Variants in NEK11 observed in about 807,000 individuals in gnomAD.
NEK11 encodes NIMA related kinase 11.
Under a neutral mutation model 80.7 loss-of-function variants are expected in NEK11, and 72 were observed. That is an observed-to-expected ratio of 0.89 (90% CI 0.74 to 1.08). The LOEUF (loss-of-function observed/expected upper bound fraction) is 1.08. Ranked by LOEUF, NEK11 falls within the 50% of genes least tolerant of loss-of-function variation. The pLI, the probability that NEK11 is intolerant of heterozygous loss-of-function variation, is 0.00. For missense variants in NEK11, 764 were observed against 763.6 expected, an observed-to-expected ratio of 1.00 and a Z score of -0.01; for synonymous variants, 251 against 260.7, an observed-to-expected ratio of 0.96 and a Z score of 0.36.
At chr3:131,237,807 A>T (rs1272517226) in intron 15 of NEK11, among the ~76,000 whole-genome samples, 1 of 152,174 alleles carries the variant, frequency 6.6e-6, no homozygotes, top group Non-Finnish European at 1.5e-5. Flanking sequence ...TCACATTCAT[A>T]TCCAATCCAT....
rs1488153841 is a variant in NEK11, at chr3:131,029,748, T to A, written c.40T>A (p.Ser14Thr). The change falls in exon 3 of 18, where the codon TCA becomes ACA. Residue 14 changes from serine (S) to threonine (T), a missense_variant. Physicochemically the swap from Ser to Thr is moderately conservative, Grantham distance 58. Coordinates refer to ENST00000383366, the MANE Select transcript of NEK11 (RefSeq NM_024800.5). ...FQEAAKCVSG[S>T]TAISTYPKTL... ...AGAGGCAGCTAAGTGTGTGAGTGGA[T>A]CAACAGCCATTTCCACTTATCCAAA... 3 of 1,614,174 alleles carry A rather than the reference T, an allele frequency of 1.9e-6. No individual in the cohort carries two copies. The highest frequency in any genetic ancestry group is 1.1e-5 in the South Asian group (1 of 91,086).
At chr3:131,215,744 T>C (rs2094814253) in intron 14 of NEK11, among the ~76,000 whole-genome samples, 1 of 152,204 alleles carries the variant, frequency 6.6e-6, no homozygotes, top group Non-Finnish European at 1.5e-5. Context: ...GCCAGGAGAT[T>C]CTGCCTTCTC....
At chr3:131,256,215 T>G (rs1185384962) in intron 16 of NEK11, among the ~76,000 whole-genome samples, 1 of 152,166 alleles carries the variant, frequency 6.6e-6, no homozygotes, top group Non-Finnish European at 1.5e-5. Context: ...ATTTTGGATG[T>G]TCTTACCACG....
At chr3:131,215,722 G>A (rs1283679493) in intron 14 of NEK11, among the ~76,000 whole-genome samples, 1 of 152,218 alleles carries the variant, frequency 6.6e-6, no homozygotes, top group Non-Finnish European at 1.5e-5. Context: ...GAGAGCTGGA[G>A]CACTTTCAAG....
chr3:131,264,713 T>C (rs76593043), intron 16 of NEK11, among the ~76,000 whole-genome samples: 42,234 of 152,028 alleles, frequency 0.28, 7,315 homozygotes, highest in Middle Eastern at 0.46. Context: ...TTTGGTTCCA[T>C]ATGAACTTTA....
At chr3:131,185,024 G>C (rs1407632519) in intron 14 of NEK11, among the ~76,000 whole-genome samples, 2 of 152,150 alleles carry the variant, frequency 1.3e-5, no homozygotes, top group Non-Finnish European at 2.9e-5. Context: ...GGGAATTAAA[G>C]GGTTGTATGA....
chr3:131,243,519 C>T, intron 16 of NEK11, 23 bp downstream of exon 16: 1 of 1,585,134 alleles, frequency 6.3e-7, no homozygotes, highest in Non-Finnish European at 8.7e-7. Context: ...CTTTAGGCTT[C>T]AAAATACATT....
At chr3:131,138,203 C>G (rs2149655726) in intron 7 of NEK11, among the ~76,000 whole-genome samples, 1 of 152,288 alleles carries the variant, frequency 6.6e-6, no homozygotes, top group East Asian at 1.9e-4. Flanking sequence ...AGTTCCAGGC[C>G]TGGTGGTATT....
intron 15 of NEK11, among the ~76,000 whole-genome samples, chr3:131,237,512 A>G (rs1256167116): frequency 1.3e-5 from 2 of 152,112 alleles, no homozygotes; most frequent in Non-Finnish European, 2.9e-5. Flanking sequence ...ATTGATTGAC[A>G]TCTCCTAAAT....
chr3:131,270,130 G>T (rs1013928969), intron 16 of NEK11, among the ~76,000 whole-genome samples: 2 of 152,202 alleles, frequency 1.3e-5, no homozygotes, highest in Non-Finnish European at 2.9e-5. Flanking sequence ...CAGAGTATCT[G>T]CCCTAGTTCC....
intron 3 of NEK11, among the ~76,000 whole-genome samples, chr3:131,070,708 A>C (rs1186819677): frequency 1.3e-5 from 2 of 152,138 alleles, no homozygotes; most frequent in Non-Finnish European, 1.5e-5. Flanking sequence ...AAAAATGAAA[A>C]ATTTTAGACT....
intron 4 of NEK11, among the ~76,000 whole-genome samples, chr3:131,098,860 T>C (rs1276951385): frequency 1.3e-5 from 2 of 152,116 alleles, no homozygotes; most frequent in African/African-American, 4.8e-5. Flanking sequence ...TTAACTTCCT[T>C]ATAGATTCTG....
chr3:131,070,535 G>C (rs1237717756), intron 3 of NEK11, among the ~76,000 whole-genome samples: 1 of 152,176 alleles, frequency 6.6e-6, no homozygotes, highest in Non-Finnish European at 1.5e-5. Flanking sequence ...TGAGATTTCT[G>C]TAACTCTCAA....
intron 17 of NEK11, among the ~76,000 whole-genome samples, chr3:131,286,501 A>G (rs1418091881): frequency 6.6e-6 from 1 of 152,232 alleles, no homozygotes; most frequent in East Asian, 1.9e-4. Flanking sequence ...TAAACAATTA[A>G]GCATGTTTTA....
chr3:131,060,259 C>T (rs1197920849), intron 3 of NEK11, among the ~76,000 whole-genome samples: 1 of 152,192 alleles, frequency 6.6e-6, no homozygotes, highest in Non-Finnish European at 1.5e-5. Flanking sequence ...GAAGTTATCT[C>T]ATTTGAGCAG....
intron 14 of NEK11, chr3:131,174,949 C>T (rs1475465653): frequency 7.1e-7 from 1 of 1,410,100 alleles, no homozygotes; most frequent in African/African-American, 1.5e-5. Flanking sequence ...ATTTCCTGTT[C>T]AGCCACTCTT....
At chr3:131,084,190 C>G (rs1490714654) in intron 4 of NEK11, among the ~76,000 whole-genome samples, 1 of 152,194 alleles carries the variant, frequency 6.6e-6, no homozygotes, top group African/African-American at 2.4e-5. Flanking sequence ...TCTCATGGTA[C>G]AAAGCACAGT....
At chr3:131,268,024 A>G (rs1264931131) in intron 16 of NEK11, among the ~76,000 whole-genome samples, 3 of 151,640 alleles carry the variant, frequency 2.0e-5, no homozygotes, top group Non-Finnish European at 4.4e-5. Flanking sequence ...CATTAAGTTC[A>G]TAGTCTCTGA....
intron 17 of NEK11, chr3:131,330,283 G>C (rs1382713236): frequency 6.6e-6 from 1 of 152,194 alleles, no homozygotes; most frequent in East Asian, 1.9e-4. Context: ...GGAAGAGCAG[G>C]AATTTGACAG....
Sources: gnomAD v4.1 joint callset for allele counts (sites outside exome capture counted in the v4.1 genomes callset) on GRCh38, gnomAD v4.1.1 for gene constraint, MANE v1.5 for transcripts, NCBI Gene and HGNC (gene_info 2026-07-23, HGNC 2026-07-21) for gene names.